AFAP1L2: variants seen among roughly 807,000 people sequenced by gnomAD.
AFAP1L2 encodes actin filament-associated protein 1-like 2.
Under a neutral mutation model 99.3 loss-of-function variants are expected in AFAP1L2, and 46 were observed. The ratio of observed to expected loss-of-function variants is 0.46; its 90% CI spans 0.37 to 0.59. The LOEUF (loss-of-function observed/expected upper bound fraction) is 0.59. AFAP1L2 is among the 20% of genes least tolerant of loss of function. AFAP1L2 has a pLI of 0.00. For missense variants in AFAP1L2, 959 were observed against 1,034.9 expected (o/e 0.93, Z 1.01); for synonymous variants, 397 against 419.1 (o/e 0.95, Z 0.64).
At chr10:114,393,245 T>TG (rs1196825081) in intron 1 of AFAP1L2, among the ~76,000 whole-genome samples, 1 of 152,150 alleles carries the variant, frequency 6.6e-6, no homozygotes, top group Non-Finnish European at 1.5e-5. Flanking sequence ...AACACTCTCC[T>TG]GGGGCTTCCT....
rs1049970380 is a variant in AFAP1L2, at chr10:114,299,367, G to A, written c.2006C>T (p.Thr669Ile). ...CTTTTCAAGCCTCTCCTTCTCCTCT[G>A]TGTACCGCTTCACCTCAGCTTCTGT... Reference protein sequence around the residue: ...NRTEAEVKRYTEEKERLEKKK... With the variant: ...NRTEAEVKRYIEEKERLEKKK... The change falls in exon 16 of 19, where the codon ACA (threonine) becomes ATA (isoleucine). Residue 669 changes from threonine to isoleucine, a missense_variant. By Grantham distance (89) the Thr-to-Ile change is moderately conservative. Transcript: ENST00000304129. 6.2e-7 allele frequency: 1 copy of A among 1,614,178 alleles called. No homozygotes were observed. Among genetic ancestry groups the A allele is most frequent in the Non-Finnish European group, 8.5e-7 (1 of 1,180,034 alleles).
chr10:114,286,243 C>T, the AFAP1L2 span: 31 of 1,612,856 alleles, frequency 1.9e-5, no homozygotes, highest in East Asian at 4.5e-5. Flanking sequence ...AGCGTGGCTT[C>T]GGGAGCGCCA....
At chr10:114,340,830 T>A (rs1296436685) in intron 1 of AFAP1L2, 99 bp from the exon 2 acceptor site, 1 of 1,545,548 alleles carries the variant, frequency 6.5e-7, no homozygotes, top group Non-Finnish European at 8.9e-7. Flanking sequence ...CCTCGAACCC[T>A]CTGGTCCCAA....
At chr10:114,324,077 G>T (rs1377257667) in intron 4 of AFAP1L2, among the ~76,000 whole-genome samples, 1 of 152,224 alleles carries the variant, frequency 6.6e-6, no homozygotes, top group African/African-American at 2.4e-5. Flanking sequence ...AAATCATTGT[G>T]TTCCTCCCTT....
At chr10:114,315,805 G>C in intron 5 of AFAP1L2, 40 bp from the exon 6 acceptor site, 2 of 1,574,538 alleles carry the variant, frequency 1.3e-6, no homozygotes, top group Non-Finnish European at 8.6e-7. Context: ...CCATGGGGCA[G>C]GGGACAGTCC....
chr10:114,301,569 G>A (rs1286976476), intron 12 of AFAP1L2, 104 bp from the exon 13 acceptor site: 17 of 815,382 alleles, frequency 2.1e-5, no homozygotes, highest in Non-Finnish European at 2.7e-5. Flanking sequence ...TGAAAGTGGT[G>A]GCCACACAAG....
chr10:114,341,620 AAAAG>A (rs377086236), intron 1 of AFAP1L2, among the ~76,000 whole-genome samples: 388 of 150,506 alleles, frequency 2.6e-3, no homozygotes, highest in African/African-American at 8.1e-3. Context: ...TCAAAAAAAA[AAAAG>A]AAAAGAAAAG....
intron 7 of AFAP1L2, 92 bp from the exon 8 acceptor site, chr10:114,310,535 A>C: frequency 8.8e-7 from 1 of 1,136,428 alleles, no homozygotes; most frequent in Non-Finnish European, 1.3e-6. Flanking sequence ...AGGTCAGGGG[A>C]GAGTGGGTGG....
At chr10:114,303,815 T>C (rs2041654886) in intron 11 of AFAP1L2, among the ~76,000 whole-genome samples, 1 of 152,180 alleles carries the variant, frequency 6.6e-6, no homozygotes, top group African/African-American at 2.4e-5. Context: ...AGGGCTCCGT[T>C]GCTCCTAGGA....
At chr10:114,327,719 T>C (rs1224066880) in intron 4 of AFAP1L2, among the ~76,000 whole-genome samples, 1 of 152,232 alleles carries the variant, frequency 6.6e-6, no homozygotes, top group Non-Finnish European at 1.5e-5. Context: ...GGCTGTGTTC[T>C]AATAAAACAC....
intron 1 of AFAP1L2, among the ~76,000 whole-genome samples, chr10:114,383,888 G>C (rs550094044): frequency 6.6e-6 from 1 of 152,148 alleles, no homozygotes; most frequent in Non-Finnish European, 1.5e-5. Flanking sequence ...GGCTCTCCCC[G>C]TCTCTTCCTA....
intron 1 of AFAP1L2, among the ~76,000 whole-genome samples, chr10:114,358,404 A>G: frequency 6.6e-6 from 1 of 152,198 alleles, no homozygotes; most frequent in Non-Finnish European, 1.5e-5. Flanking sequence ...ATAAAACTAC[A>G]TGGTATATCT....
intron 1 of AFAP1L2, among the ~76,000 whole-genome samples, chr10:114,395,357 G>A (rs548411675): frequency 6.6e-6 from 1 of 152,248 alleles, no homozygotes; most frequent in Non-Finnish European, 1.5e-5. Flanking sequence ...CATGAAGATG[G>A]CCCAAGCAAA....
At chr10:114,400,980 C>G (rs1035459926) in intron 1 of AFAP1L2, among the ~76,000 whole-genome samples, 26 of 152,190 alleles carry the variant, frequency 1.7e-4, no homozygotes, top group African/African-American at 6.3e-4. Flanking sequence ...GCATGCCCAT[C>G]TCTTTTAATT....
At chr10:114,284,398 C>T in the AFAP1L2 span, among the ~76,000 whole-genome samples, 669 of 152,176 alleles carry the variant, frequency 4.4e-3, 7 homozygotes, top group African/African-American at 0.015. Flanking sequence ...ATTAAGGTGC[C>T]GGAGGAAGTG....
chr10:114,311,432 G>T (rs1241628648), intron 7 of AFAP1L2, among the ~76,000 whole-genome samples: 4 of 152,200 alleles, frequency 2.6e-5, no homozygotes, highest in East Asian at 1.9e-4. Flanking sequence ...AATCAGAAGA[G>T]CCCAAGAACT....
At chr10:114,337,125 C>T (rs2048099119) in intron 2 of AFAP1L2, among the ~76,000 whole-genome samples, 1 of 152,280 alleles carries the variant, frequency 6.6e-6, no homozygotes, top group Middle Eastern at 3.4e-3. Flanking sequence ...TGTGTGTTTA[C>T]GATTCTGTCC....
At position 114,377,459 on chromosome 10, in the gene AFAP1L2, G is replaced by A. The variant is rs1327893790; in HGVS notation, c.16+26981C>T. On this transcript the variant is annotated intron_variant, in intron 1 of 18. Transcript: ENST00000304129. This position sits in a 1 kb window ranked among gnomAD's most constrained non-coding sequence, Gnocchi z 4.0. ...ATCAAGTTGTGGTGGGGTGGTGGAT[G>A]GGAGGACACAAACGTTTGTTGACTG... is the stretch of plus-strand genomic sequence containing the variant. 6.6e-6 allele frequency among the ~76,000 whole-genome samples: 1 copy of A among 152,186 alleles called. No individual in the cohort carries two copies. The highest frequency in any genetic ancestry group is 1.5e-5 in the Non-Finnish European group (1 of 68,036).
intron 1 of AFAP1L2, among the ~76,000 whole-genome samples, chr10:114,373,600 G>C (rs1590681383): frequency 6.6e-6 from 1 of 152,064 alleles, no homozygotes; most frequent in East Asian, 1.9e-4. Context: ...ACTCCAGCCT[G>C]GGTGACAGAG....
Sources: allele counts gnomAD v4.1 joint callset (sites outside exome capture counted in the v4.1 genomes callset), GRCh38; gene constraint gnomAD v4.1.1; non-coding constraint Gnocchi (gnomAD v3.1); transcripts MANE v1.5; gene names NCBI Gene and HGNC (gene_info 2026-07-23, HGNC 2026-07-21).